Variants in RFXANK observed in about 807,000 individuals in gnomAD.
The protein encoded by RFXANK is regulatory factor X associated ankyrin containing protein, also known as DNA-binding protein RFXANK.
RFXANK carries 19 observed loss-of-function variants against 34.5 expected under a neutral mutation model. That is an observed-to-expected ratio of 0.55 (90% CI 0.38 to 0.81). RFXANK has a LOEUF of 0.81. Among genes scored for constraint, RFXANK ranks in the 30% least tolerant of loss-of-function variants. The pLI, the probability that RFXANK is intolerant of heterozygous loss-of-function variation, is 0.00. For synonymous variants in RFXANK, 154 were observed against 149.8 expected (o/e 1.03, Z -0.20); for missense variants, 295 against 343.5 (o/e 0.86, Z 1.12).
intron 6 of RFXANK, 31 bp from the exon 7 acceptor site, chr19:19,198,076 A>G: frequency 6.2e-7 from 1 of 1,611,816 alleles, no homozygotes; most frequent in Non-Finnish European, 8.5e-7. Flanking sequence ...GCCCCAATCC[A>G]TCCTACCACT....
intron 6 of RFXANK, 67 bp from the exon 7 acceptor site, chr19:19,198,040 G>T (rs1254901237): frequency 4.4e-5 from 69 of 1,557,468 alleles, no homozygotes; most frequent in Non-Finnish European, 5.6e-5. Context: ...TGCGGCTGCT[G>T]TGGGTACCCC....
Position 19,196,927 on chromosome 19 carries a change from C to T in RFXANK, c.188-36C>T. On this transcript the variant is annotated intron_variant, in intron 3 of 9. Transcript: ENST00000303088. ...TGTCCTGAAGCCTCAGAGACATCTA[C>T]TGAGGGGAAACTGACGCCTGTTGTC... The T allele has an allele frequency of 3.2e-6, 5 of 1,583,984 alleles. No individual in the cohort carries two copies. The African/African-American group carries it at 4.0e-5, about 13-fold the overall frequency.
chr19:19,201,601 C>A, intron 9 of RFXANK, 48 bp from the exon 10 acceptor site: 8 of 1,613,238 alleles, frequency 5.0e-6, no homozygotes, highest in Non-Finnish European at 6.8e-6. Context: ...GCCTCCACCC[C>A]ACTCCCGATT....
At chr19:19,200,206 C>G (rs1218878150) in intron 9 of RFXANK, among the ~76,000 whole-genome samples, 1 of 133,698 alleles carries the variant, frequency 7.5e-6, no homozygotes, top group Non-Finnish European at 1.5e-5. Flanking sequence ...GACATGGAGT[C>G]TCGCGCTGTC....
At chr19:19,194,836 G>A (rs2060569504) in intron 3 of RFXANK, among the ~76,000 whole-genome samples, 1 of 152,042 alleles carries the variant, frequency 6.6e-6, no homozygotes, top group Non-Finnish European at 1.5e-5. Context: ...AGGGTAGATA[G>A]CTAGGAGTGA....
chr19:19,194,118 G>A lies in RFXANK; in HGVS notation c.172G>A (p.Val58Ile), dbSNP rs373095352. Residue 58 changes from valine (V) to isoleucine (I), a missense_variant, in exon 3 of 10, where the codon GTT (valine) becomes ATT (isoleucine). Physicochemically the swap from Val to Ile is conservative, Grantham distance 29. Coordinates refer to ENST00000303088, the MANE Select transcript of RFXANK (RefSeq NM_003721.4). ...EPVNPEPDAS[V>I]SSPQAGSSLK... ...TGTGAATCCTGAACCGGATGCCAGT[G>A]TTTCCTCTCCACAGGGTAGGATACC... 6.2e-7 allele frequency: 1 copy of A among 1,614,080 alleles called. No individual in the cohort carries two copies. Among genetic ancestry groups the A allele is most frequent in the African/African-American group, 1.3e-5 (1 of 74,914 alleles).
At chr19:19,197,381 G>C in intron 5 of RFXANK, 130 bp downstream of exon 5, 1 of 1,217,968 alleles carries the variant, frequency 8.2e-7, no homozygotes, top group Non-Finnish European at 1.2e-6. Context: ...GTGTGTGACC[G>C]TGTTCATGTA....
At chr19:19,198,975 G>T in intron 8 of RFXANK, 179 bp from the exon 9 acceptor site, 4 of 767,740 alleles carry the variant, frequency 5.2e-6, no homozygotes, top group Non-Finnish European at 6.8e-6. Flanking sequence ...CTTCAGCCAC[G>T]TTCTTCAGTG....
Position 19,192,501 on chromosome 19 carries a change from T to G in RFXANK, c.-203T>G. On this transcript the variant is annotated 5_prime_UTR_variant, in exon 1 of 10. Coordinates refer to ENST00000303088, the MANE Select transcript of RFXANK (RefSeq NM_003721.4). ...TTTAGCCCTCTGCCCCCGCCCTTGC[T>G]TATAAGCCTTTGAGACCGCAGAAGG... 1 of 278,070 alleles carries G rather than the reference T, an allele frequency of 3.6e-6. No individual in the cohort carries two copies. Among genetic ancestry groups the G allele is most frequent in the Non-Finnish European group, 7.0e-6 (1 of 143,386 alleles). The allele number at this position is 278,070 out of a possible 1,614,324, so 17.2% of individuals were successfully genotyped here. A position where few individuals can be genotyped will look rare whatever the true frequency, so the allele number is the denominator to read the frequency against.
chr19:19,201,756 A>G lies in RFXANK; in HGVS notation c.*37A>G, dbSNP rs1488781605. The G allele has an allele frequency of 6.2e-7, 1 of 1,613,570 alleles. No individual in the cohort carries two copies. Among genetic ancestry groups the G allele is most frequent in the Non-Finnish European group, 8.5e-7 (1 of 1,179,920 alleles). The stretch of plus-strand genomic sequence containing the variant: ...CGGGGACTCAGACACTCAGGGAACA[A>G]AATGGTCAGCCAGAGCTGGGGAAAC... On this transcript the variant is annotated 3_prime_UTR_variant, in exon 10 of 10. Coordinates refer to ENST00000303088, the MANE Select transcript of RFXANK (RefSeq NM_003721.4).
chr19:19,196,141 A>G (rs573825252), intron 3 of RFXANK, among the ~76,000 whole-genome samples: 36 of 152,180 alleles, frequency 2.4e-4, no homozygotes, highest in Non-Finnish European at 4.7e-4. Flanking sequence ...GGCAAAAACT[A>G]TGTCTTGTTT....
Position 19,197,593 on chromosome 19 carries a change from T to C in RFXANK, c.410T>C (p.Ile137Thr), listed in dbSNP as rs2060623767. 18 of 1,613,800 alleles carry C rather than the reference T, an allele frequency of 1.1e-5. No individual in the cohort carries two copies. The highest frequency in any genetic ancestry group is 1.7e-5 in the Admixed American group (1 of 60,008). ...ATCTGGGCCTCCGCCTTTGGAGAGA[T>C]TGAGACCGTTCGCTTCCTGCTGGAG... The part of the protein sequence containing the change: ...PLIWASAFGE[I>T]ETVRFLLEWG... The change falls in exon 6 of 10, where the codon ATT (isoleucine) becomes ACT (threonine). Residue 137 changes from isoleucine (I) to threonine (T), a missense_variant. Transcript: ENST00000303088.
intron 7 of RFXANK, among the ~76,000 whole-genome samples, 183 bp from the exon 8 acceptor site, chr19:19,198,474 T>C (rs1657517332): frequency 6.6e-6 from 1 of 152,206 alleles, no homozygotes; most frequent in African/African-American, 2.4e-5. Flanking sequence ...GAGCCCCATG[T>C]GGGCAAGGGA....
rs1251120115 is a variant in RFXANK at position 19,199,321 on chromosome 19, G to A, written c.712+87G>A. On this transcript the variant is annotated intron_variant, in intron 9 of 9. Coordinates refer to ENST00000303088, the MANE Select transcript of RFXANK (RefSeq NM_003721.4). ...GGGTACATGGGACACCCCTTCAGTG[G>A]TCATACGCCGGCAGCGAGAGTGTGT... 30 of 1,254,282 alleles carry A rather than the reference G, an allele frequency of 2.4e-5. No individual in the cohort carries two copies. The Admixed American group carries it at 5.0e-4, about 21-fold the overall frequency. The allele number at this position is 1,254,282 out of a possible 1,614,324, so 77.7% of individuals were successfully genotyped here.
At chr19:19,201,378 T>A in intron 9 of RFXANK, 4 of 1,204,050 alleles carry the variant, frequency 3.3e-6, no homozygotes, top group Non-Finnish European at 4.7e-6. Context: ...ATGCCCAGGC[T>A]CATCTTTTCA....
chr19:19,197,971 C>T, intron 6 of RFXANK, 136 bp from the exon 7 acceptor site: 1 of 1,205,552 alleles, frequency 8.3e-7, no homozygotes, highest in Non-Finnish European at 1.2e-6. Flanking sequence ...GAGATTGCGC[C>T]ACTGCACTCC....
intron 8 of RFXANK, 118 bp from the exon 9 acceptor site, chr19:19,199,036 G>A (rs759723352): frequency 1.4e-5 from 15 of 1,042,580 alleles, no homozygotes; most frequent in Non-Finnish European, 2.0e-5. Flanking sequence ...CATGGGCAAC[G>A]GGCAGACCCA....
intron 5 of RFXANK, 66 bp downstream of exon 5, chr19:19,197,317 AC>A: frequency 6.5e-7 from 1 of 1,528,830 alleles, no homozygotes; most frequent in South Asian, 1.1e-5. Flanking sequence ...GGGTGTCCAT[AC>A]CCACTCATGA....
At chr19:19,194,555 A>G (rs1310057304) in intron 3 of RFXANK, among the ~76,000 whole-genome samples, 1 of 150,504 alleles carries the variant, frequency 6.6e-6, no homozygotes, top group Non-Finnish European at 1.5e-5. Flanking sequence ...TTTTTGATAC[A>G]GGGTCTCGCT....
Sources: gnomAD v4.1 joint callset for allele counts (sites outside exome capture counted in the v4.1 genomes callset) on GRCh38, gnomAD v4.1.1 for gene constraint, MANE v1.5 for transcripts, NCBI Gene and HGNC (gene_info 2026-07-23, HGNC 2026-07-21) for gene names.